SFXN5: variants seen among roughly 807,000 people sequenced by gnomAD.
SFXN5 encodes sideroflexin 5, also known as sideroflexin-5.
SFXN5 carries 43 observed loss-of-function variants against 50.2 expected under a neutral mutation model. The ratio of observed to expected loss-of-function variants is 0.86; its 90% CI spans 0.67 to 1.11. The LOEUF is 1.11. Ranked by LOEUF, SFXN5 falls within the 50% of genes least tolerant of loss-of-function variation. The pLI is 0.00. For synonymous variants in SFXN5, 203 were observed against 185.8 expected (o/e 1.09, Z -0.75); for missense variants, 463 against 454.1 (o/e 1.02, Z -0.18).
Position 72,943,947 on chromosome 2 carries a change from T to C in SFXN5, c.*1075A>G, listed in dbSNP as rs935059865. On this transcript the variant is annotated 3_prime_UTR_variant, in exon 14 of 14. Transcript: ENST00000272433. ...ATTTGTCTGACATCTCACTGCCATT[T>C]AGTGACAGAGCCAGGGCCCACTGCT... 2 of 152,260 alleles carry C rather than the reference T, an allele frequency of 1.3e-5. No homozygotes were observed. Among genetic ancestry groups the C allele is most frequent in the Non-Finnish European group, 2.9e-5 (2 of 68,046 alleles). 9.4% of individuals were successfully genotyped at this position (152,260 alleles called of 1,614,324 possible).
intron 8 of SFXN5, 130 bp downstream of exon 8, chr2:73,000,301 T>A: frequency 1.2e-6 from 1 of 846,748 alleles, no homozygotes; most frequent in African/African-American, 1.7e-5. Context: ...GCATTTTAAA[T>A]AAGATATCTA....
In SFXN5 at chr2:72,992,032, T is replaced by C. The variant is rs1672665713; in HGVS notation, c.535-3684A>G. Reference sequence around the variant, plus strand: ...GGATTTTGCACAAGAATTTCTTATATGGCCAGCAGACAGGGCTTCTTGGAA... The same window carrying C: ...GGATTTTGCACAAGAATTTCTTATACGGCCAGCAGACAGGGCTTCTTGGAA... On this transcript the variant is annotated intron_variant, in intron 9 of 13. Coordinates refer to ENST00000272433, the MANE Select transcript of SFXN5 (RefSeq NM_144579.3). The surrounding 1 kb of genome is among the most constrained non-coding windows in gnomAD (Gnocchi z 4.5). Among the ~76,000 whole-genome samples the C allele has an allele frequency of 6.6e-6, 1 of 152,178 alleles. No individual in the cohort carries two copies. Among genetic ancestry groups the C allele is most frequent in the African/African-American group, 2.4e-5 (1 of 41,438 alleles).
chr2:72,971,047 G>A (rs548172884), intron 11 of SFXN5, among the ~76,000 whole-genome samples: 10 of 152,134 alleles, frequency 6.6e-5, no homozygotes, highest in Non-Finnish European at 8.8e-5. Flanking sequence ...AACCAGTGGC[G>A]AAAGAAGGTC....
At chr2:73,039,583 A>G in intron 3 of SFXN5, among the ~76,000 whole-genome samples, 1 of 152,138 alleles carries the variant, frequency 6.6e-6, no homozygotes, top group Admixed American at 6.5e-5. Context: ...ATGATAAGAG[A>G]GCTGAATCCT....
rs1042864601 is a variant in SFXN5 at position 72,945,636 on chromosome 2, T to C, written c.946-537A>G. ...ACCACTCAGTCTTTACATCTTCCCC[T>C]GCAGTCCCGATTCCAGGGGCCATCC... On this transcript the variant is annotated intron_variant, in intron 13 of 13. Transcript: ENST00000272433. This position sits in a 1 kb window ranked among gnomAD's most constrained non-coding sequence, Gnocchi z 5.8. Among the ~76,000 whole-genome samples the C allele has an allele frequency of 2.0e-5, 3 of 152,100 alleles. No homozygotes were observed. Among genetic ancestry groups the C allele is most frequent in the African/African-American group, 7.2e-5 (3 of 41,416 alleles).
At chr2:73,022,597 G>A (rs911393373) in intron 4 of SFXN5, 21 bp from the exon 5 acceptor site, 1 of 1,109,828 alleles carries the variant, frequency 9.0e-7, no homozygotes, top group Non-Finnish European at 1.3e-6. Context: ...CAGGAACAGA[G>A]AATGGGGTGG....
chr2:72,972,844 G>C (rs1261437946), intron 10 of SFXN5, among the ~76,000 whole-genome samples: 2 of 152,246 alleles, frequency 1.3e-5, no homozygotes, highest in African/African-American at 4.8e-5. Context: ...GTGTGAGCCT[G>C]GGAGCGACTG....
chr2:73,058,512 G>A lies in SFXN5; in HGVS notation c.171+16C>T. The A allele has an allele frequency of 6.2e-7, 1 of 1,612,734 alleles. No homozygotes were observed. The highest frequency in any genetic ancestry group is 8.5e-7 in the Non-Finnish European group (1 of 1,178,756). On this transcript the variant is annotated intron_variant, in intron 2 of 13. Transcript: ENST00000272433. ...ACAAAGGCCCAAGGGCCACTGAGGT[G>A]ACAGCCATGACTTACCTCAGTGACA...
intron 8 of SFXN5, 41 bp downstream of exon 8, chr2:73,000,390 A>T (rs1651001809): frequency 6.5e-7 from 1 of 1,546,962 alleles, no homozygotes. Context: ...GGGCCTCCCT[A>T]GCCTGAACCC....
intron 10 of SFXN5, among the ~76,000 whole-genome samples, chr2:72,977,503 A>G (rs1670762118): frequency 6.6e-6 from 1 of 152,202 alleles, no homozygotes; most frequent in South Asian, 2.1e-4. Flanking sequence ...ATCTGAGGAA[A>G]AAAAAATCTG....
At chr2:72,994,180 C>G (rs1672940530) in intron 9 of SFXN5, among the ~76,000 whole-genome samples, 1 of 152,196 alleles carries the variant, frequency 6.6e-6, no homozygotes, top group Non-Finnish European at 1.5e-5. Context: ...TACTTCACCT[C>G]CATGCCTCAG....
chr2:73,002,676 AACACAC>A (rs140692532), intron 6 of SFXN5, among the ~76,000 whole-genome samples: 1,686 of 152,034 alleles, frequency 0.011, 30 homozygotes, highest in African/African-American at 0.036. Context: ...TAAAACAGCT[AACACAC>A]ACACACACAA....
rs151272061 is a variant in SFXN5 at position 72,988,964 on chromosome 2, C to T, written c.535-616G>A. Among the ~76,000 whole-genome samples, 66 of 152,332 alleles carry T rather than the reference C, an allele frequency of 4.3e-4. 1 individual carries two copies. In the East Asian group the frequency reaches 0.013, roughly 29 times the overall value. On this transcript the variant is annotated intron_variant, in intron 9 of 13. Transcript: ENST00000272433. Reference sequence around the variant, plus strand: ...ACCTGGCCCAGGATGCCAGACACCCCACCCCAGCCCCTGCCTGGGGTCTTC... The same window carrying T: ...ACCTGGCCCAGGATGCCAGACACCCTACCCCAGCCCCTGCCTGGGGTCTTC...
chr2:73,034,394 C>T (rs1240720690), intron 3 of SFXN5, among the ~76,000 whole-genome samples: 1 of 152,210 alleles, frequency 6.6e-6, no homozygotes, highest in African/African-American at 2.4e-5. Flanking sequence ...TTTAAGCCTG[C>T]CTCTGGTATT....
At chr2:72,982,678 G>A (rs1671456977) in intron 10 of SFXN5, among the ~76,000 whole-genome samples, 1 of 152,174 alleles carries the variant, frequency 6.6e-6, no homozygotes, top group African/African-American at 2.4e-5. Flanking sequence ...AACCCTGGCT[G>A]GGACTCCCAG....
chr2:73,038,073 G>A (rs1179265485), intron 3 of SFXN5, among the ~76,000 whole-genome samples: 1 of 152,174 alleles, frequency 6.6e-6, no homozygotes. Context: ...GCATCATTAG[G>A]TGATTTCATC....
chr2:72,955,418 C>T (rs1038396060), intron 13 of SFXN5, among the ~76,000 whole-genome samples: 4 of 152,178 alleles, frequency 2.6e-5, no homozygotes, highest in African/African-American at 7.2e-5. Flanking sequence ...TGTGCAGCCC[C>T]GTTCCCCAGC....
At chr2:72,985,755 C>A (rs1671842627) in intron 10 of SFXN5, among the ~76,000 whole-genome samples, 1 of 152,310 alleles carries the variant, frequency 6.6e-6, no homozygotes, top group African/African-American at 2.4e-5. Context: ...ACAACAGTGG[C>A]TGCACCTGTG....
chr2:72,981,617 C>T (rs1671308140), intron 10 of SFXN5, among the ~76,000 whole-genome samples: 1 of 152,096 alleles, frequency 6.6e-6, no homozygotes, highest in Admixed American at 6.5e-5. Flanking sequence ...AAGACAGAGC[C>T]CTGGGACACT....
Sources: allele counts gnomAD v4.1 joint callset (sites outside exome capture counted in the v4.1 genomes callset), GRCh38; gene constraint gnomAD v4.1.1; non-coding constraint Gnocchi (gnomAD v3.1); transcripts MANE v1.5; gene names NCBI Gene and HGNC (gene_info 2026-07-23, HGNC 2026-07-21).